Variants in CYP7B1 observed in about 807,000 individuals in gnomAD.
CYP7B1 encodes the protein cytochrome P450 family 7 subfamily B member 1, also known as cytochrome P450 7B1.
A neutral mutation model predicts 42.7 loss-of-function variants in CYP7B1; 29 were observed. That is an observed-to-expected ratio of 0.68 (90% CI 0.51 to 0.93). CYP7B1 has a LOEUF of 0.93. Ranked by LOEUF, CYP7B1 falls within the 40% of genes least tolerant of loss-of-function variation. CYP7B1 has a pLI of 0.00. For synonymous variants in CYP7B1, 235 were observed against 218.2 expected (o/e 1.08, Z -0.68); for missense variants, 655 against 600.5 (o/e 1.09, Z -0.95).
chr8:64,679,816 C>T (rs1257127362), intron 1 of CYP7B1, among the ~76,000 whole-genome samples: 1 of 152,154 alleles, frequency 6.6e-6, no homozygotes, highest in Non-Finnish European at 1.5e-5. Context: ...ACCATCATAA[C>T]AATTAATGCA....
At chr8:64,629,842 G>A (rs1437776610) in intron 1 of CYP7B1, among the ~76,000 whole-genome samples, 1 of 152,220 alleles carries the variant, frequency 6.6e-6, no homozygotes, top group Non-Finnish European at 1.5e-5. Flanking sequence ...AGGATATCGG[G>A]AAGAGGAGTA....
intron 1 of CYP7B1, among the ~76,000 whole-genome samples, chr8:64,680,909 A>G (rs1255252314): frequency 1.3e-5 from 2 of 152,052 alleles, no homozygotes; most frequent in Non-Finnish European, 2.9e-5. Flanking sequence ...TGCACCAAAT[A>G]CCACCCAGGT....
rs550155423 is a variant in CYP7B1, at chr8:64,595,065, A to G, written c.*1577T>C. ...AAACTCACTAACGGCTATCCGCCCA[A>G]TAACAACAATGGATACCTTAAGAAC... On this transcript the variant is annotated 3_prime_UTR_variant, in exon 6 of 6. Transcript: ENST00000310193. 6.6e-6 allele frequency among the ~76,000 whole-genome samples: 1 copy of G among 152,354 alleles called. No individual in the cohort carries two copies. Among genetic ancestry groups the G allele is most frequent in the South Asian group, 2.1e-4 (1 of 4,818 alleles).
At chr8:64,795,946 T>C (rs1035149072) in intron 1 of CYP7B1, among the ~76,000 whole-genome samples, 7 of 152,262 alleles carry the variant, frequency 4.6e-5, no homozygotes, top group Non-Finnish European at 8.8e-5. Context: ...GACCTCTGAA[T>C]TGATTTTTAC....
At chr8:64,668,240 A>G (rs1263805391) in intron 1 of CYP7B1, among the ~76,000 whole-genome samples, 1 of 152,112 alleles carries the variant, frequency 6.6e-6, no homozygotes, top group African/African-American at 2.4e-5. Flanking sequence ...TTTGCTTTTC[A>G]TCACTCACAC....
At chr8:64,608,516 C>T (rs1024817949) in intron 4 of CYP7B1, among the ~76,000 whole-genome samples, 2 of 152,106 alleles carry the variant, frequency 1.3e-5, no homozygotes, top group Admixed American at 6.6e-5. Flanking sequence ...CAGAGGATAG[C>T]AGCAATGGAT....
At chr8:64,761,095 C>T (rs779658112) in intron 1 of CYP7B1, among the ~76,000 whole-genome samples, 9 of 152,020 alleles carry the variant, frequency 5.9e-5, no homozygotes, top group African/African-American at 7.2e-5. Flanking sequence ...CACAATAAAG[C>T]AAGCATTAGA....
At chr8:64,673,465 C>G (rs1231150732) in intron 1 of CYP7B1, among the ~76,000 whole-genome samples, 1 of 152,056 alleles carries the variant, frequency 6.6e-6, no homozygotes, top group Non-Finnish European at 1.5e-5. Flanking sequence ...ACTTGGTCCT[C>G]CCTTCTTTTT....
chr8:64,771,662 C>T (rs1280070459), intron 1 of CYP7B1, among the ~76,000 whole-genome samples: 1 of 152,192 alleles, frequency 6.6e-6, no homozygotes, highest in Non-Finnish European at 1.5e-5. Flanking sequence ...GTCCCTCTCC[C>T]ATGTGCTGTA....
intron 1 of CYP7B1, among the ~76,000 whole-genome samples, chr8:64,690,318 G>A (rs945189299): frequency 1.3e-5 from 2 of 152,150 alleles, no homozygotes; most frequent in African/African-American, 2.4e-5. Context: ...TAGGAGGATC[G>A]ATTGACCCTG....
chr8:64,786,224 C>A (rs1468120192), intron 1 of CYP7B1, among the ~76,000 whole-genome samples: 2 of 152,156 alleles, frequency 1.3e-5, no homozygotes, highest in Admixed American at 1.3e-4. Flanking sequence ...TTTCAACAGT[C>A]CCCCAAAGTC....
In CYP7B1 at chr8:64,798,561, C is replaced by T. The variant is rs992794208; in HGVS notation, c.27G>A (p.Thr9=). The T allele has an allele frequency of 1.3e-6, 2 of 1,491,100 alleles. No individual in the cohort carries two copies. The highest frequency in any genetic ancestry group is 5.6e-5 in the East Asian group (2 of 35,688). 92.4% of individuals were successfully genotyped at this position (1,491,100 alleles called of 1,614,324 possible). The change falls in exon 1 of 6, where the codon ACG becomes ACA. Residue 9 remains threonine (T), a synonymous_variant. Transcript: ENST00000310193. Reference sequence around the variant, plus strand: ...CCAACCGCTCCAGCGAAAAGCGGCCCGTGGCCGCGGACACTTCTCCTGCCA... The same window carrying T: ...CCAACCGCTCCAGCGAAAAGCGGCCTGTGGCCGCGGACACTTCTCCTGCCA... MAGEVSAA[T]GRFSLERLGL...
At chr8:64,750,187 T>C (rs942807171) in intron 1 of CYP7B1, among the ~76,000 whole-genome samples, 4 of 152,180 alleles carry the variant, frequency 2.6e-5, no homozygotes, top group Admixed American at 1.3e-4. Flanking sequence ...ACAGAGGATA[T>C]GAACATGAAA....
chr8:64,680,881 T>C (rs1806526260), intron 1 of CYP7B1, among the ~76,000 whole-genome samples: 1 of 152,178 alleles, frequency 6.6e-6, no homozygotes, highest in Non-Finnish European at 1.5e-5. Flanking sequence ...GCTCATGCCA[T>C]CTTCACTTCA....
chr8:64,770,226 T>C (rs1804198829), intron 1 of CYP7B1, among the ~76,000 whole-genome samples: 1 of 151,722 alleles, frequency 6.6e-6, no homozygotes, highest in African/African-American at 2.4e-5. Context: ...AACCAAACAA[T>C]AGAAAACCTC....
chr8:64,797,004 G>A (rs1395155574), intron 1 of CYP7B1, among the ~76,000 whole-genome samples: 1 of 152,184 alleles, frequency 6.6e-6, no homozygotes. Context: ...CTGAAATGCA[G>A]TATAATCAAA....
intron 1 of CYP7B1, among the ~76,000 whole-genome samples, chr8:64,685,251 A>G (rs1007563035): frequency 4.0e-5 from 6 of 148,648 alleles, no homozygotes; most frequent in African/African-American, 1.5e-4. Flanking sequence ...TTGGCCTCCC[A>G]AAGTGCCGAG....
At chr8:64,692,955 A>C (rs909488977) in intron 1 of CYP7B1, among the ~76,000 whole-genome samples, 2 of 152,208 alleles carry the variant, frequency 1.3e-5, no homozygotes, top group African/African-American at 2.4e-5. Context: ...ATTTGGAGTC[A>C]AATCATTCAA....
intron 1 of CYP7B1, among the ~76,000 whole-genome samples, chr8:64,784,263 G>A: frequency 6.6e-6 from 1 of 152,088 alleles, no homozygotes; most frequent in East Asian, 1.9e-4. Context: ...TAGAACAAAA[G>A]CAAGTAAACA....
Sources: gnomAD v4.1 joint callset for allele counts (sites outside exome capture counted in the v4.1 genomes callset) on GRCh38, gnomAD v4.1.1 for gene constraint, MANE v1.5 for transcripts, NCBI Gene and HGNC (gene_info 2026-07-23, HGNC 2026-07-21) for gene names.